Variants in NELFA observed in about 807,000 individuals in gnomAD.
NELFA encodes negative elongation factor A.
Under a neutral mutation model 51.8 loss-of-function variants are expected in NELFA, and 35 were observed. The observed-to-expected ratio is 0.68, with a 90% CI of 0.52 to 0.90. NELFA has a LOEUF of 0.90. NELFA is among the 40% of genes least tolerant of loss of function. The pLI is 0.00. For synonymous variants in NELFA, 417 were observed against 338.4 expected (o/e 1.23, Z -2.55); for missense variants, 658 against 746.4 (o/e 0.88, Z 1.38).
chr4:1,988,646 C>G (rs1040851249), intron 3 of NELFA, among the ~76,000 whole-genome samples: 1 of 152,258 alleles, frequency 6.6e-6, no homozygotes, highest in Non-Finnish European at 1.5e-5. Flanking sequence ...TTTGGATTCT[C>G]TGGAAACGGG....
Position 1,990,139 on chromosome 4 carries a change from G to A in NELFA, c.383-270C>T, listed in dbSNP as rs1728229883. On this transcript the variant is annotated intron_variant, in intron 2 of 10. Transcript: ENST00000382882. ...GGCACCGCGGACACCAAGAACCACAGGCGGACATAGATACAGTGATTCCTG... is the reference window on the plus strand; with the variant it reads ...GGCACCGCGGACACCAAGAACCACAAGCGGACATAGATACAGTGATTCCTG... 5.0e-5 allele frequency: 25 copies of A among 504,102 alleles called. No homozygotes were observed. In the South Asian group the frequency reaches 5.4e-4, roughly 11 times the overall value. 31.2% of individuals were successfully genotyped at this position (504,102 alleles called of 1,614,324 possible).
chr4:1,990,081 A>G (rs2109058670), intron 2 of NELFA: 1 of 596,210 alleles, frequency 1.7e-6, no homozygotes, highest in Non-Finnish European at 2.9e-6. Context: ...AGAGGCGGGC[A>G]TGCCTTGAGA....
intron 1 of NELFA, among the ~76,000 whole-genome samples, chr4:1,999,663 G>A (rs931793724): frequency 3.9e-5 from 6 of 152,088 alleles, no homozygotes; most frequent in African/African-American, 9.7e-5. Flanking sequence ...GACCTACAAC[G>A]AGACTTAGAC....
intron 7 of NELFA, 55 bp from the exon 8 acceptor site, chr4:1,984,974 C>T: frequency 7.5e-7 from 1 of 1,337,978 alleles, no homozygotes; most frequent in Non-Finnish European, 1.0e-6. Flanking sequence ...CCGGCATGTG[C>T]TAACACATGG....
Position 1,986,364 on chromosome 4 carries a change from T to C in NELFA, c.673A>G (p.Ser225Gly). ...KGIPKQAPFRSPTAPSVFSPT... is the reference protein window; with the variant it reads ...KGIPKQAPFRGPTAPSVFSPT... ...CTGAAGACGCTGGGCGCCGTGGGGC[T>C]TCTGAAGGGCGCCTGCTTCGGGATG... Residue 225 changes from serine (S) to glycine (G), a missense_variant, in exon 5 of 11, where the codon AGC (serine) becomes GGC (glycine). By Grantham distance (56) the Ser-to-Gly change is moderately conservative. Coordinates refer to ENST00000382882, the MANE Select transcript of NELFA (RefSeq NM_005663.5). 1 of 1,609,930 alleles carries C rather than the reference T, an allele frequency of 6.2e-7. No homozygotes were observed. Among genetic ancestry groups the C allele is most frequent in the Non-Finnish European group, 8.5e-7 (1 of 1,178,480 alleles).
At position 1,984,061 on chromosome 4, in the gene NELFA, G is replaced by A; in HGVS notation, c.1089C>T (p.Ser363=). The A allele has an allele frequency of 6.2e-7, 1 of 1,600,036 alleles. No homozygotes were observed. Among genetic ancestry groups the A allele is most frequent in the Non-Finnish European group, 8.5e-7 (1 of 1,177,238 alleles). Residue 363 remains serine, a synonymous_variant, in exon 9 of 11, where the codon AGC becomes AGT. Coordinates refer to ENST00000382882, the MANE Select transcript of NELFA (RefSeq NM_005663.5). ...SRPPEEPSAP[S]PTLPAQFKQR... The stretch of plus-strand genomic sequence containing the variant: ...GCTTGAACTGCGCTGGCAACGTGGG[G>A]CTCGGGGCGCTGGGCTCCTCTGGTG...
rs1330013381 is a variant in NELFA, at chr4:1,985,820, C to T, written c.880G>A (p.Glu294Lys). 4 of 1,613,408 alleles carry T rather than the reference C, an allele frequency of 2.5e-6. No homozygotes were observed. Among genetic ancestry groups the T allele is most frequent in the South Asian group, 2.2e-5 (2 of 91,030 alleles). ...GCTGCGTAGTCCGGGGTGGCGTTCT[C>T]CACCACCGTTTCCTCCTTGGCCGGC... ...EKPAKEETVV[E>K]NATPDYAAGL... The change falls in exon 7 of 11, where the codon GAG (glutamate) becomes AAG (lysine). Residue 294 changes from glutamate to lysine, a missense_variant. This residue lies in a region of NELFA where 371 missense variants were observed against 448.3 expected (regional missense o/e 0.83). Transcript: ENST00000382882.
At chr4:1,988,611 A>G (rs563088168) in intron 3 of NELFA, among the ~76,000 whole-genome samples, 3 of 152,374 alleles carry the variant, frequency 2.0e-5, no homozygotes, top group African/African-American at 7.2e-5. Context: ...GCCAAGATCC[A>G]TGCACAGCTG....
intron 1 of NELFA, chr4:1,992,542 T>C: frequency 8.1e-6 from 3 of 368,150 alleles, no homozygotes; most frequent in South Asian, 3.7e-5. Flanking sequence ...GTGAGACAGC[T>C]GGGCTGGCTG....
At chr4:2,002,371 G>C (rs1728605427) in intron 1 of NELFA, among the ~76,000 whole-genome samples, 1 of 152,138 alleles carries the variant, frequency 6.6e-6, no homozygotes, top group Admixed American at 6.5e-5. Flanking sequence ...CACAGAATTA[G>C]AAAAAACTAT....
In NELFA at chr4:1,983,904, C is replaced by T. The variant is rs1021696217; in HGVS notation, c.1246G>A (p.Ala416Thr). The change falls in exon 9 of 11, where the codon GCC (alanine) becomes ACC (threonine). Residue 416 changes from alanine to threonine, a missense_variant. Ala to Thr is a moderately conservative substitution (Grantham distance 58). This residue lies in a region of NELFA where 200 missense variants were observed against 167.9 expected (regional missense o/e 1.19). Coordinates refer to ENST00000382882, the MANE Select transcript of NELFA (RefSeq NM_005663.5). ...TTQTPPVAMV[A>T]PQTQAPAQQQ... is the part of the protein sequence containing the mutation. ...TGAGCAGGGGCCTGGGTCTGCGGGG[C>T]CACCATGGCAACCGGGGGTGTCTGA... is the stretch of plus-strand genomic sequence containing the variant. 2.5e-6 allele frequency: 4 copies of T among 1,602,664 alleles called. No individual in the cohort carries two copies. The highest frequency in any genetic ancestry group is 1.3e-5 in the African/African-American group (1 of 74,650).
intron 1 of NELFA, among the ~76,000 whole-genome samples, chr4:1,993,219 A>G (rs1327897597): frequency 6.6e-6 from 1 of 152,248 alleles, no homozygotes; most frequent in Non-Finnish European, 1.5e-5. Context: ...ACTGTTGTGG[A>G]GTCAATGTTT....
rs780386833 is a variant in NELFA at position 1,991,568 on chromosome 4, T to C, written c.358A>G (p.Ile120Val). 6.2e-7 allele frequency: 1 copy of C among 1,614,028 alleles called. No homozygotes were observed. Among genetic ancestry groups the C allele is most frequent in the Admixed American group, 1.7e-5 (1 of 60,026 alleles). ...CCCTTTTCTCTAAGTTCTCCCAAAA[T>C]ATCCTGAACGTTGGGATTCTGCTCC... Reference protein sequence around the residue: ...LEEQNPNVQDILGELREKVGE... With the variant: ...LEEQNPNVQDVLGELREKVGE... Residue 120 changes from isoleucine (I) to valine (V), a missense_variant, in exon 2 of 11, where the codon ATT becomes GTT. Coordinates refer to ENST00000382882, the MANE Select transcript of NELFA (RefSeq NM_005663.5).
intron 1 of NELFA, among the ~76,000 whole-genome samples, chr4:2,000,913 G>A (rs1019031134): frequency 7.9e-5 from 12 of 152,120 alleles, no homozygotes; most frequent in Non-Finnish European, 1.6e-4. Context: ...CTGGCAAACC[G>A]AATCCAGCAG....
At chr4:1,986,644 A>C in intron 4 of NELFA, 4 of 513,606 alleles carry the variant, frequency 7.8e-6, no homozygotes, top group Non-Finnish European at 1.4e-5. Flanking sequence ...GCCCAGCCAC[A>C]GGATCTCACC....
intron 2 of NELFA, chr4:1,990,379 G>A (rs1327243368): frequency 4.4e-6 from 2 of 456,732 alleles, no homozygotes; most frequent in Non-Finnish European, 8.8e-6. Flanking sequence ...CCCCACGAGG[G>A]ACAGGCGACC....
intron 1 of NELFA, among the ~76,000 whole-genome samples, chr4:2,002,340 C>A (rs997493579): frequency 6.6e-6 from 1 of 152,184 alleles, no homozygotes; most frequent in Non-Finnish European, 1.5e-5. Context: ...CTATTCCCAA[C>A]AAACTACCAT....
At chr4:1,994,157 C>T (rs868709863) in intron 1 of NELFA, among the ~76,000 whole-genome samples, 7 of 152,048 alleles carry the variant, frequency 4.6e-5, no homozygotes, top group Admixed American at 3.9e-4. Flanking sequence ...TCCAGCTACT[C>T]GGGAGGCTGA....
At chr4:1,999,806 C>G (rs1428516310) in intron 1 of NELFA, among the ~76,000 whole-genome samples, 1 of 152,196 alleles carries the variant, frequency 6.6e-6, no homozygotes, top group Non-Finnish European at 1.5e-5. Context: ...ATCTACAGAA[C>G]TCTCTACCTC....
Sources: allele counts gnomAD v4.1 joint callset (sites outside exome capture counted in the v4.1 genomes callset), GRCh38; gene constraint gnomAD v4.1.1; regional missense constraint gnomAD v4.1.1; transcripts MANE v1.5; gene names NCBI Gene and HGNC (gene_info 2026-07-23, HGNC 2026-07-21).